The following INCENP variants were observed in gnomAD, a reference collection of about 807,000 sequenced individuals.
INCENP encodes inner centromere protein.
Under a neutral mutation model 107.3 loss-of-function variants are expected in INCENP, and 43 were observed. That is an observed-to-expected ratio of 0.40 (90% confidence interval 0.31 to 0.52). INCENP has a LOEUF of 0.52. Among genes scored for constraint, INCENP ranks in the 20% least tolerant of loss-of-function variants. INCENP has a pLI of 0.53. For missense variants in INCENP, 1,089 were observed against 1,250.9 expected, an observed-to-expected ratio of 0.87 and a Z score of 1.95; for synonymous variants, 488 against 494.4, an observed-to-expected ratio of 0.99 and a Z score of 0.17.
At chr11:62,144,349 GA>G (rs891612583) in intron 11 of INCENP, among the ~76,000 whole-genome samples, 4 of 141,592 alleles carry the variant, frequency 2.8e-5, no homozygotes, top group Admixed American at 7.0e-5. Flanking sequence ...AAAAAAAAAA[GA>G]AAAAAAAGTG....
chr11:62,134,608 C>T (rs77217373), intron 4 of INCENP, among the ~76,000 whole-genome samples: 1,674 of 152,212 alleles, frequency 0.011, 33 homozygotes, highest in African/African-American at 0.035. Flanking sequence ...TACATTAAGA[C>T]TTTTTATGAA....
chr11:62,144,546 AAGTTAAACCTT>A (rs1435427717), intron 11 of INCENP, among the ~76,000 whole-genome samples: 3 of 152,218 alleles, frequency 2.0e-5, no homozygotes, highest in Non-Finnish European at 2.9e-5. Flanking sequence ...TGACAGTAGT[AAGTTAAACCTT>A]GCATCTGCAC....
At chr11:62,142,784 TG>T (rs1944151395) in intron 11 of INCENP, among the ~76,000 whole-genome samples, 1 of 152,216 alleles carries the variant, frequency 6.6e-6, no homozygotes, top group Admixed American at 6.5e-5. Flanking sequence ...GCAGTCAGCC[TG>T]GGACTTGGCA....
At chr11:62,146,976 A>G (rs2134675727) in intron 15 of INCENP, 74 bp downstream of exon 15, 5 of 1,571,358 alleles carry the variant, frequency 3.2e-6, no homozygotes, top group Middle Eastern at 1.8e-4. Context: ...TTGCCTGGAC[A>G]CAGCCCCACC....
At chr11:62,128,087 G>A (rs979180488) in intron 1 of INCENP, 64 bp from the exon 2 acceptor site, 3 of 1,564,450 alleles carry the variant, frequency 1.9e-6, no homozygotes, top group Non-Finnish European at 2.6e-6. Flanking sequence ...ATTGCAGCTT[G>A]GAGAAAGCCC....
chr11:62,127,870 G>A (rs541901313), intron 1 of INCENP, among the ~76,000 whole-genome samples: 2 of 151,994 alleles, frequency 1.3e-5, no homozygotes, highest in Non-Finnish European at 2.9e-5. Context: ...AATTGGTTGG[G>A]AACTGTGGAC....
chr11:62,137,983 C>T (rs1216377477), intron 5 of INCENP, 100 bp downstream of exon 5: 6 of 1,104,070 alleles, frequency 5.4e-6, no homozygotes, highest in African/African-American at 1.5e-5. Flanking sequence ...CTGAGTCTTC[C>T]CCACTGAGCC....
At chr11:62,141,441 C>T (rs918622550) in intron 10 of INCENP, 59 bp from the exon 11 acceptor site, 15 of 1,611,974 alleles carry the variant, frequency 9.3e-6, no homozygotes, top group South Asian at 6.6e-5. Flanking sequence ...GTGGCCTGCC[C>T]GGCAGGATGC....
rs1944386707 is a variant in INCENP at position 62,152,026 on chromosome 11, T to C, written c.*50T>C. On this transcript the variant is annotated 3_prime_UTR_variant, in exon 19 of 19. Coordinates refer to ENST00000394818, the MANE Select transcript of INCENP (RefSeq NM_001040694.2). ...GCCTCGCCTCCTGTCCATGTCTATC[T>C]GTCTGTCTGTCGGTCTCTGTCTTGG... is the stretch of plus-strand genomic sequence containing the variant. The C allele has an allele frequency of 1.4e-6, 2 of 1,388,836 alleles. No individual in the cohort carries two copies. The highest frequency in any genetic ancestry group is 1.4e-5 in the African/African-American group (1 of 70,308). The allele number at this position is 1,388,836 out of a possible 1,614,324, so 86.0% of individuals were successfully genotyped here.
Position 62,141,508 on chromosome 11 carries a change from C to T in INCENP, c.1602C>T (p.Phe534=), listed in dbSNP as rs1268077045. Residue 534 remains phenylalanine, a synonymous_variant, in exon 11 of 19, where the codon TTC becomes TTT. Transcript: ENST00000394818. ...TPLRMDPKCS[F]VEKERQRLEN... ...CCTTGTCTCCTCCACAGTGCAGCTTCGTCGTAAGTAAAGCCTTTTCCTGTC... is the reference window on the plus strand; with the variant it reads ...CCTTGTCTCCTCCACAGTGCAGCTTTGTCGTAAGTAAAGCCTTTTCCTGTC... The T allele has an allele frequency of 5.0e-6, 8 of 1,614,038 alleles. No individual in the cohort carries two copies. The highest frequency in any genetic ancestry group is 6.8e-6 in the Non-Finnish European group (8 of 1,179,880).
At chr11:62,128,456 G>A (rs1415189940) in intron 2 of INCENP, among the ~76,000 whole-genome samples, 155 bp downstream of exon 2, 1 of 152,232 alleles carries the variant, frequency 6.6e-6, no homozygotes, top group Non-Finnish European at 1.5e-5. Context: ...TGTGCTGGGG[G>A]CCTGACCTAG....
rs776747416 is a variant in INCENP, at chr11:62,148,811, G to A, written c.2356G>A (p.Ala786Thr). 11 of 1,607,728 alleles carry A rather than the reference G, an allele frequency of 6.8e-6. 1 individual carries two copies. The African/African-American group carries it at 1.2e-4, about 18-fold the overall frequency. The part of the protein sequence containing the change: ...QEKKAKEAAG[A>T]SKALNVTVDV... ...GAAGAAAGCCAAGGAGGCAGCAGGGGCCAGCAAGGCCCTGAATGTGACTGT... is the reference window on the plus strand; with the variant it reads ...GAAGAAAGCCAAGGAGGCAGCAGGGACCAGCAAGGCCCTGAATGTGACTGT... The change falls in exon 17 of 19, where the codon GCC becomes ACC. Residue 786 changes from alanine (A) to threonine (T), a missense_variant. By Grantham distance (58) the Ala-to-Thr change is moderately conservative. Transcript: ENST00000394818.
Position 62,150,102 on chromosome 11 carries a change from G to A in INCENP, c.2437G>A (p.Ala813Thr), listed in dbSNP as rs749357164. 1.2e-6 allele frequency: 2 copies of A among 1,613,830 alleles called. No homozygotes were observed. The highest frequency in any genetic ancestry group is 1.7e-5 in the Admixed American group (1 of 59,984). The change falls in exon 18 of 19, where the codon GCC (alanine) becomes ACC (threonine). Residue 813 changes from alanine (A) to threonine (T), a missense_variant. Coordinates refer to ENST00000394818, the MANE Select transcript of INCENP (RefSeq NM_001040694.2). The stretch of plus-strand genomic sequence containing the variant: ...TCAGATGACTCCGCAAGGGCACAGG[G>A]CCCCTCCCAAGATCAACCCAGATAA... ...SYQMTPQGHR[A>T]PPKINPDNYG...
intron 4 of INCENP, among the ~76,000 whole-genome samples, chr11:62,131,907 G>A (rs1427924025): frequency 1.3e-5 from 2 of 152,004 alleles, no homozygotes; most frequent in East Asian, 3.9e-4. Context: ...TCAGTCTCCC[G>A]AGTAGCAGGG....
intron 1 of INCENP, among the ~76,000 whole-genome samples, chr11:62,125,367 T>A (rs1943726564): frequency 6.6e-6 from 1 of 152,264 alleles, no homozygotes; most frequent in African/African-American, 2.4e-5. Flanking sequence ...TTTAAAAAGT[T>A]AGCCAGTTGT....
In INCENP at chr11:62,141,393, GGCAGGCCCCAC is replaced by G. The variant is rs1565098199; in HGVS notation, c.1594-100_1594-90del. The G allele has an allele frequency of 4.9e-6, 7 of 1,429,898 alleles. No homozygotes were observed. In the East Asian group the frequency reaches 1.6e-4, roughly 33 times the overall value. The allele number at this position is 1,429,898 out of a possible 1,614,324, so 88.6% of individuals were successfully genotyped here. A position where few individuals can be genotyped will look rare whatever the true frequency, so the allele number is the denominator to read the frequency against. ...GCGGTGGGGGTGCTGCTGGCAGGAG[GGCAGGCCCCAC>G]GCAGGCTTGCTGGCACAGCTGGGCA... On this transcript the variant is annotated intron_variant, in intron 10 of 18. Coordinates refer to ENST00000394818, the MANE Select transcript of INCENP (RefSeq NM_001040694.2).
rs144514553 is a variant in INCENP at position 62,130,476 on chromosome 11, G to A, written c.949G>A (p.Val317Ile). The A allele has an allele frequency of 6.9e-5, 112 of 1,614,010 alleles. No homozygotes were observed. The highest frequency in any genetic ancestry group is 3.3e-5 in the Admixed American group (2 of 60,012). ...PIAPSSPSPQ[V>I]LAQKYSLVAK... is the part of the protein sequence containing the mutation. The stretch of plus-strand genomic sequence containing the variant: ...CGCCCCGTCTTCCCCGAGTCCCCAA[G>A]TCTTAGCCCAGAAGTACTCTCTGGT... The change falls in exon 4 of 19, where the codon GTC becomes ATC. Residue 317 changes from valine (V) to isoleucine (I), a missense_variant. Physicochemically the swap from Val to Ile is conservative, Grantham distance 29. Transcript: ENST00000394818.
intron 1 of INCENP, among the ~76,000 whole-genome samples, chr11:62,124,535 C>T (rs909281152): frequency 2.6e-5 from 4 of 152,250 alleles, no homozygotes; most frequent in Admixed American, 6.5e-5. Context: ...AAACCCCTCT[C>T]TCAACGCCCC....
intron 8 of INCENP, 26 bp from the exon 9 acceptor site, chr11:62,140,678 T>C: frequency 6.5e-7 from 1 of 1,540,444 alleles, no homozygotes; most frequent in Non-Finnish European, 8.8e-7. Context: ...GGCTGCCCTG[T>C]GATGCCGCCG....
Sources: allele counts gnomAD v4.1 joint callset (sites outside exome capture counted in the v4.1 genomes callset), GRCh38; gene constraint gnomAD v4.1.1; transcripts MANE v1.5; gene names NCBI Gene and HGNC (gene_info 2026-07-23, HGNC 2026-07-21).